NTM: variants seen among roughly 807,000 people sequenced by gnomAD.
NTM encodes neurotrimin.
A neutral mutation model predicts 42.1 loss-of-function variants in NTM; 13 were observed. That is an observed-to-expected ratio of 0.31 (90% CI 0.20 to 0.49). The LOEUF is 0.49. NTM is among the 20% of genes least tolerant of loss of function. The probability of loss-of-function intolerance (pLI) is 0.99; values close to 1 mark genes in which losing one functional copy is unlikely to be tolerated. For synonymous variants in NTM, 187 were observed against 179.2 expected, an observed-to-expected ratio of 1.04 and a Z score of -0.35; for missense variants, 373 against 452.8, an observed-to-expected ratio of 0.82 and a Z score of 1.60.
chr11:131,899,945 T>C (rs372158169), intron 1 of NTM, among the ~76,000 whole-genome samples: 3 of 152,240 alleles, frequency 2.0e-5, no homozygotes, highest in Admixed American at 6.5e-5. Flanking sequence ...TCCTCAGCTG[T>C]GCTGGTCACT....
At chr11:131,846,713 T>C (rs562588458) in intron 1 of NTM, among the ~76,000 whole-genome samples, 1 of 152,326 alleles carries the variant, frequency 6.6e-6, no homozygotes, top group Admixed American at 6.5e-5. Context: ...ATGTATGTAT[T>C]ATTTATAGAA....
chr11:132,188,937 A>G lies in NTM; in HGVS notation c.401-23085A>G, dbSNP rs150402692. ...TTGACTCTAGAAATGCGCACACATG[A>G]GTTTATATCTGGAGTTATAGGATAT... is the stretch of plus-strand genomic sequence containing the variant. On this transcript the variant is annotated intron_variant, in intron 3 of 8. Transcript: ENST00000683400. Among the ~76,000 whole-genome samples, 9 of 152,280 alleles carry G rather than the reference A, an allele frequency of 5.9e-5. No homozygotes were observed. The East Asian group carries it at 1.5e-3, about 26-fold the overall frequency.
At chr11:131,638,379 C>G (rs1389019480) in intron 1 of NTM, among the ~76,000 whole-genome samples, 5 of 151,902 alleles carry the variant, frequency 3.3e-5, no homozygotes, top group African/African-American at 1.2e-4. Context: ...CCAGCCTGGC[C>G]AACATGCTGA....
chr11:131,583,415 G>T (rs752476657), intron 1 of NTM, among the ~76,000 whole-genome samples: 5 of 152,116 alleles, frequency 3.3e-5, no homozygotes, highest in Non-Finnish European at 7.4e-5. Context: ...AAAATATTAA[G>T]AGAAAATGTC....
chr11:132,165,992 A>C (rs1488362588), intron 3 of NTM, among the ~76,000 whole-genome samples: 1 of 152,230 alleles, frequency 6.6e-6, no homozygotes, highest in Non-Finnish European at 1.5e-5. Flanking sequence ...GCAGCCCCTG[A>C]GCTATTTAGT....
chr11:132,164,224 TTTGTTG>T (rs796158765), intron 3 of NTM, among the ~76,000 whole-genome samples: 61 of 152,186 alleles, frequency 4.0e-4, no homozygotes, highest in African/African-American at 1.3e-3. Context: ...TCTGGCTTTG[TTTGTTG>T]TTGTTGTTGT....
At chr11:131,743,997 A>G (rs1261416437) in intron 1 of NTM, among the ~76,000 whole-genome samples, 2 of 152,190 alleles carry the variant, frequency 1.3e-5, no homozygotes, top group African/African-American at 4.8e-5. Context: ...TGAGACCCAA[A>G]TGACCATTTA....
intron 4 of NTM, among the ~76,000 whole-genome samples, chr11:132,245,954 G>C (rs1023569593): frequency 2.0e-5 from 3 of 152,158 alleles, no homozygotes; most frequent in Non-Finnish European, 2.9e-5. Flanking sequence ...CAGCTGCCGC[G>C]TCAGGATCTT....
chr11:132,269,996 G>A (rs1471818113), intron 4 of NTM, among the ~76,000 whole-genome samples: 1 of 152,120 alleles, frequency 6.6e-6, no homozygotes, highest in Non-Finnish European at 1.5e-5. Flanking sequence ...TCCATCGAGC[G>A]AGAACATTCC....
intron 2 of NTM, among the ~76,000 whole-genome samples, chr11:131,962,366 C>T (rs560298012): frequency 3.4e-4 from 52 of 152,262 alleles, no homozygotes; most frequent in Admixed American, 1.9e-3. Flanking sequence ...CTGTTGAAAC[C>T]CTAACCCTCA....
chr11:132,255,887 CG>C (rs1486599358), intron 4 of NTM, among the ~76,000 whole-genome samples: 1 of 152,130 alleles, frequency 6.6e-6, no homozygotes, highest in African/African-American at 2.4e-5. Flanking sequence ...AAGCTGGTCT[CG>C]GTTGCACATC....
At chr11:131,972,226 A>C (rs1046790658) in intron 2 of NTM, among the ~76,000 whole-genome samples, 1 of 151,848 alleles carries the variant, frequency 6.6e-6, no homozygotes, top group Non-Finnish European at 1.5e-5. Context: ...TAAATACATA[A>C]ATACATACAT....
At chr11:132,329,087 G>A (rs2095746875) in intron 7 of NTM, among the ~76,000 whole-genome samples, 2 of 152,178 alleles carry the variant, frequency 1.3e-5, no homozygotes. Flanking sequence ...GATTGAAGGT[G>A]TGAATGCACA....
chr11:131,705,721 A>G (rs1166065048), intron 1 of NTM, among the ~76,000 whole-genome samples: 2 of 152,150 alleles, frequency 1.3e-5, no homozygotes, highest in Non-Finnish European at 2.9e-5. Flanking sequence ...GAAGAAGAGA[A>G]GTTAAAGTGT....
intron 2 of NTM, among the ~76,000 whole-genome samples, chr11:131,946,188 G>A (rs1179832413): frequency 1.3e-5 from 2 of 152,064 alleles, no homozygotes; most frequent in African/African-American, 2.4e-5. Flanking sequence ...TGGGAGACTC[G>A]CGGGAGACTG....
At chr11:131,946,721 G>A (rs1443258617) in intron 2 of NTM, among the ~76,000 whole-genome samples, 3 of 152,146 alleles carry the variant, frequency 2.0e-5, no homozygotes, top group Non-Finnish European at 2.9e-5. Flanking sequence ...TTTCTCTACA[G>A]ATAGTATATC....
At chr11:131,832,198 A>T (rs1746091986) in intron 1 of NTM, among the ~76,000 whole-genome samples, 2 of 151,738 alleles carry the variant, frequency 1.3e-5, no homozygotes, top group Admixed American at 1.3e-4. Flanking sequence ...AGAAAAAAAA[A>T]AAAAACAGAG....
intron 1 of NTM, among the ~76,000 whole-genome samples, chr11:131,478,512 C>T (rs1318941602): frequency 1.3e-5 from 2 of 152,142 alleles, no homozygotes; most frequent in Non-Finnish European, 2.9e-5. Context: ...CTCTTGTTTT[C>T]TACATCTTGT....
At chr11:131,771,089 T>C (rs1469690422) in intron 1 of NTM, 1 of 151,964 alleles carries the variant, frequency 6.6e-6, no homozygotes, top group East Asian at 1.9e-4. Flanking sequence ...AGCTGTAAAA[T>C]GCAAACACCA....
Sources: gnomAD v4.1 joint callset for allele counts (sites outside exome capture counted in the v4.1 genomes callset) on GRCh38, gnomAD v4.1.1 for gene constraint, MANE v1.5 for transcripts, NCBI Gene and HGNC (gene_info 2026-07-23, HGNC 2026-07-21) for gene names.